RFX7: variants seen among roughly 807,000 people sequenced by gnomAD.
RFX7 encodes the protein DNA-binding protein RFX7.
RFX7 carries 26 observed loss-of-function variants against 111.8 expected under a neutral mutation model. That is an observed-to-expected ratio of 0.23 (90% CI 0.17 to 0.32). The LOEUF is 0.32. Among genes scored for constraint, RFX7 ranks in the 10% least tolerant of loss-of-function variants. RFX7 has a pLI of 1.00. For synonymous variants in RFX7, 624 were observed against 624.4 expected (o/e 1.00, Z 0.01); for missense variants, 1,573 against 1,772.9 (o/e 0.89, Z 2.02).
At chr15:56,100,763 C>G (rs564488262) in intron 8 of RFX7, among the ~76,000 whole-genome samples, 22 of 152,246 alleles carry the variant, frequency 1.4e-4, no homozygotes, top group African/African-American at 5.1e-4. Context: ...GGGAGTCATT[C>G]TAACAAGACT....
rs570030198 is a variant in RFX7, at chr15:56,090,085, T to C, written c.*3260A>G. On this transcript the variant is annotated 3_prime_UTR_variant, in exon 10 of 10. Transcript: ENST00000559447. Reference sequence around the variant, plus strand: ...CCTGCTTCCAGACCTGTAGCCCAGCTTCTGGCTTACAAATTCATTACACTT... The same window carrying C: ...CCTGCTTCCAGACCTGTAGCCCAGCCTCTGGCTTACAAATTCATTACACTT... The C allele has an allele frequency of 1.3e-5, 2 of 152,308 alleles. No homozygotes were observed. Among genetic ancestry groups the C allele is most frequent in the South Asian group, 4.2e-4 (2 of 4,818 alleles). 9.4% of individuals were successfully genotyped at this position (152,308 alleles called of 1,614,324 possible). A position where few individuals can be genotyped will look rare whatever the true frequency, so the allele number is the denominator to read the frequency against.
intron 5 of RFX7, among the ~76,000 whole-genome samples, chr15:56,104,599 G>C (rs1367087326): frequency 6.6e-6 from 1 of 152,228 alleles, no homozygotes; most frequent in African/African-American, 2.4e-5. Flanking sequence ...ACCAGGACTT[G>C]GGTCTTTTTG....
At chr15:56,221,554 TTAAAG>T (rs1218490600) in intron 2 of RFX7, among the ~76,000 whole-genome samples, 1 of 152,198 alleles carries the variant, frequency 6.6e-6, no homozygotes, top group Non-Finnish European at 1.5e-5. Context: ...TTTAACCCAT[TTAAAG>T]TAATTATTAA....
intron 2 of RFX7, among the ~76,000 whole-genome samples, chr15:56,222,513 G>A (rs897961394): frequency 6.6e-6 from 1 of 152,132 alleles, no homozygotes; most frequent in Non-Finnish European, 1.5e-5. Flanking sequence ...GAGTCACAGA[G>A]ACTTGTTCAT....
At position 56,190,630 on chromosome 15, in the gene RFX7, C is replaced by T. The variant is rs147879368; in HGVS notation, c.162-11327G>A. On this transcript the variant is annotated intron_variant, in intron 2 of 9. Transcript: ENST00000559447. ...TAAAAAAATATGATTCCTGGACTAA[C>T]GGTATCAGTATTCCTGGGAACTAGT... 1.2e-3 allele frequency among the ~76,000 whole-genome samples: 180 copies of T among 152,246 alleles called. 1 individual carries two copies. In the East Asian group the frequency reaches 0.03, roughly 25 times the overall value.
At chr15:56,147,053 G>A (rs1218527351) in intron 3 of RFX7, among the ~76,000 whole-genome samples, 1 of 152,148 alleles carries the variant, frequency 6.6e-6, no homozygotes, top group Non-Finnish European at 1.5e-5. Context: ...TGGCAAGTAT[G>A]TTAAACATCT....
chr15:56,134,783 G>C (rs2042273443), intron 5 of RFX7, among the ~76,000 whole-genome samples: 1 of 151,782 alleles, frequency 6.6e-6, no homozygotes, highest in Non-Finnish European at 1.5e-5. Context: ...CCCAACAACA[G>C]TCCCCAGAGC....
intron 2 of RFX7, chr15:56,192,579 T>C (rs1426168269): frequency 1.2e-5 from 2 of 162,752 alleles, no homozygotes; most frequent in Non-Finnish European, 1.4e-5. Flanking sequence ...CTTGGATACA[T>C]CACCTCATTC....
At position 56,088,769 on chromosome 15, in the gene RFX7, A is replaced by G. The variant is rs2041560261; in HGVS notation, c.*4576T>C. ...GAGGCAACTTGCATTTGTGATACTC[A>G]ATAATACCTGATTTTTCAGCTCATA... On this transcript the variant is annotated 3_prime_UTR_variant, in exon 10 of 10. Transcript: ENST00000559447. The G allele has an allele frequency of 1.3e-5, 2 of 152,180 alleles. No individual in the cohort carries two copies. Among genetic ancestry groups the G allele is most frequent in the Admixed American group, 1.3e-4 (2 of 15,268 alleles). The allele number at this position is 152,180 out of a possible 1,614,324, so 9.4% of individuals were successfully genotyped here.
chr15:56,154,576 A>C (rs981888037), intron 3 of RFX7, among the ~76,000 whole-genome samples: 4 of 152,226 alleles, frequency 2.6e-5, no homozygotes, highest in African/African-American at 9.6e-5. Flanking sequence ...CTGGCTAGCC[A>C]TATGTAGAAA....
chr15:56,149,404 G>T (rs945288057), intron 3 of RFX7, among the ~76,000 whole-genome samples: 3 of 152,178 alleles, frequency 2.0e-5, no homozygotes, highest in African/African-American at 7.2e-5. Flanking sequence ...TACATATGCA[G>T]ATAAAAATGT....
chr15:56,183,578 C>T (rs2043000582), intron 2 of RFX7, among the ~76,000 whole-genome samples: 1 of 152,114 alleles, frequency 6.6e-6, no homozygotes, highest in African/African-American at 2.4e-5. Context: ...ATCTACTCAC[C>T]TATCCCTAAG....
chr15:56,153,617 A>G (rs1595971606), intron 3 of RFX7, among the ~76,000 whole-genome samples: 1 of 152,328 alleles, frequency 6.6e-6, no homozygotes, highest in Non-Finnish European at 1.5e-5. Flanking sequence ...ACCTCTCAAT[A>G]AACTAGGTAT....
At chr15:56,109,160 C>G (rs1014153414) in intron 5 of RFX7, among the ~76,000 whole-genome samples, 45 of 152,358 alleles carry the variant, frequency 3.0e-4, no homozygotes, top group African/African-American at 1.1e-3. Context: ...ATTCTCCTGC[C>G]TCAGCCTGCC....
chr15:56,240,506 TAAAC>T (rs1304515480), intron 2 of RFX7, among the ~76,000 whole-genome samples: 10 of 152,176 alleles, frequency 6.6e-5, no homozygotes, highest in African/African-American at 2.4e-4. Flanking sequence ...TTCAGTTTAA[TAAAC>T]AGAGTAAATT....
chr15:56,107,648 G>A (rs1475630668), intron 5 of RFX7, among the ~76,000 whole-genome samples: 2 of 152,160 alleles, frequency 1.3e-5, no homozygotes, highest in African/African-American at 4.8e-5. Context: ...AAGACAGGTA[G>A]TTTTATTAAA....
chr15:56,096,091 T>C lies in RFX7; in HGVS notation c.1637A>G (p.Asp546Gly). 6.2e-7 allele frequency: 1 copy of C among 1,613,724 alleles called. No individual in the cohort carries two copies. The highest frequency in any genetic ancestry group is 8.5e-7 in the Non-Finnish European group (1 of 1,179,806). ...EVKVEPETSSDEHPVQCQENS... is the reference protein window; with the variant it reads ...EVKVEPETSSGEHPVQCQENS... ...CTCTTGGCACTGTACAGGATGCTCATCTGATGATGTTTCGGGTTCCACTTT... is the reference window on the plus strand; with the variant it reads ...CTCTTGGCACTGTACAGGATGCTCACCTGATGATGTTTCGGGTTCCACTTT... The change falls in exon 10 of 10, where the codon GAT becomes GGT. Residue 546 changes from aspartate to glycine, a missense_variant. Coordinates refer to ENST00000559447, the MANE Select transcript of RFX7 (RefSeq NM_022841.7).
At chr15:56,224,884 G>C (rs2043465737) in intron 2 of RFX7, among the ~76,000 whole-genome samples, 1 of 151,964 alleles carries the variant, frequency 6.6e-6, no homozygotes, top group Non-Finnish European at 1.5e-5. Flanking sequence ...AACTGTTAGG[G>C]GTTGAGGCTA....
chr15:56,146,263 A>AC (rs2042469055), intron 3 of RFX7, among the ~76,000 whole-genome samples: 1 of 151,976 alleles, frequency 6.6e-6, no homozygotes, highest in Admixed American at 6.6e-5. Context: ...ACAGCCACAT[A>AC]ATTTTTTAAT....
Sources: gnomAD v4.1 joint callset for allele counts (sites outside exome capture counted in the v4.1 genomes callset) on GRCh38, gnomAD v4.1.1 for gene constraint, MANE v1.5 for transcripts, NCBI Gene and HGNC (gene_info 2026-07-23, HGNC 2026-07-21) for gene names.